Variants in PRKD1 observed in about 807,000 individuals in gnomAD.
The protein encoded by PRKD1 is protein kinase D1.
Under a neutral mutation model 95.9 loss-of-function variants are expected in PRKD1, and 63 were observed. The ratio of observed to expected loss-of-function variants is 0.66; its 90% CI spans 0.54 to 0.81. The LOEUF (loss-of-function observed/expected upper bound fraction) is 0.81. Among genes scored for constraint, PRKD1 ranks in the 30% least tolerant of loss-of-function variants. The probability of loss-of-function intolerance (pLI) is 0.00; values close to 1 mark genes in which losing one functional copy is unlikely to be tolerated. For missense variants in PRKD1, 1,048 were observed against 1,165.3 expected (o/e 0.90, Z 1.47); for synonymous variants, 425 against 423.1 (o/e 1.00, Z -0.05).
intron 13 of PRKD1, among the ~76,000 whole-genome samples, chr14:29,602,975 T>C (rs1001458651): frequency 2.0e-5 from 3 of 152,218 alleles, no homozygotes; most frequent in African/African-American, 4.8e-5. Flanking sequence ...TGTTCTCTAA[T>C]AGCATCTTGA....
intron 13 of PRKD1, among the ~76,000 whole-genome samples, chr14:29,603,479 C>T (rs1285043806): frequency 6.6e-6 from 1 of 152,206 alleles, no homozygotes; most frequent in African/African-American, 2.4e-5. Flanking sequence ...TGCCGTTAGC[C>T]TAGAGAATAT....
rs112782726 is a variant in PRKD1, at chr14:29,661,318, T to G, written c.696+2381A>C. Reference sequence around the variant, plus strand: ...TGCTGTCTTTACAAGGGTCAGGCCATCATTCTTTTTGGAAATGGAAATTAT... The same window carrying G: ...TGCTGTCTTTACAAGGGTCAGGCCAGCATTCTTTTTGGAAATGGAAATTAT... On this transcript the variant is annotated intron_variant, in intron 4 of 17. Coordinates refer to ENST00000331968, the MANE Select transcript of PRKD1 (RefSeq NM_002742.3). 4.0e-3 allele frequency among the ~76,000 whole-genome samples: 616 copies of G among 152,294 alleles called. 4 individuals are homozygous for G. Among genetic ancestry groups the G allele is most frequent in the African/African-American group, 0.014 (580 of 41,544 alleles).
intron 2 of PRKD1, among the ~76,000 whole-genome samples, chr14:29,703,213 A>C (rs991263524): frequency 2.6e-5 from 4 of 152,134 alleles, no homozygotes; most frequent in African/African-American, 7.2e-5. Context: ...TCCATGCAAA[A>C]ACAGTGGTAA....
intron 1 of PRKD1, among the ~76,000 whole-genome samples, chr14:29,782,333 T>G (rs1425345800): frequency 6.6e-6 from 1 of 152,080 alleles, no homozygotes; most frequent in African/African-American, 2.4e-5. Context: ...AAGACTATAT[T>G]AATTTGATGA....
chr14:29,870,941 T>C (rs1376923547), intron 1 of PRKD1, among the ~76,000 whole-genome samples: 2 of 152,236 alleles, frequency 1.3e-5, no homozygotes, highest in African/African-American at 2.4e-5. Flanking sequence ...TTAGAAGTAG[T>C]ATAATTTTTT....
intron 1 of PRKD1, among the ~76,000 whole-genome samples, chr14:29,844,092 G>A (rs1891981392): frequency 1.3e-5 from 2 of 152,196 alleles, no homozygotes; most frequent in Admixed American, 1.3e-4. Flanking sequence ...ATAACTGTGT[G>A]AACCAAGTAT....
In PRKD1 at chr14:29,652,198, T is replaced by C. The variant is rs567995038; in HGVS notation, c.696+11501A>G. 1.4e-3 allele frequency among the ~76,000 whole-genome samples: 208 copies of C among 152,308 alleles called. 1 individual carries two copies. The highest frequency in any genetic ancestry group is 4.8e-3 in the African/African-American group (200 of 41,560). ...CAATTCCTAACAGTGGAAGGCTCTGTTTTGTGTCTTGTCAGGAGTGCTGTG... is the reference window on the plus strand; with the variant it reads ...CAATTCCTAACAGTGGAAGGCTCTGCTTTGTGTCTTGTCAGGAGTGCTGTG... On this transcript the variant is annotated intron_variant, in intron 4 of 17. Coordinates refer to ENST00000331968, the MANE Select transcript of PRKD1 (RefSeq NM_002742.3).
At chr14:29,735,067 A>G (rs1432471945) in intron 1 of PRKD1, among the ~76,000 whole-genome samples, 1 of 152,076 alleles carries the variant, frequency 6.6e-6, no homozygotes, top group Non-Finnish European at 1.5e-5. Context: ...TTGTTTTCCT[A>G]TTTGTTTAGA....
At chr14:29,677,892 G>C (rs1199991590) in intron 2 of PRKD1, among the ~76,000 whole-genome samples, 1 of 152,156 alleles carries the variant, frequency 6.6e-6, no homozygotes, top group South Asian at 2.1e-4. Context: ...ACCTTGAATG[G>C]ACTGTGCCTT....
chr14:29,707,334 G>A (rs1885140527), intron 2 of PRKD1, among the ~76,000 whole-genome samples: 1 of 152,132 alleles, frequency 6.6e-6, no homozygotes, highest in African/African-American at 2.4e-5. Flanking sequence ...GGAGAATATG[G>A]TACTTGAACT....
At chr14:29,581,593 G>C (rs1281341110) in intron 16 of PRKD1, among the ~76,000 whole-genome samples, 2 of 152,132 alleles carry the variant, frequency 1.3e-5, no homozygotes, top group Admixed American at 6.6e-5. Context: ...GCAGACTGCA[G>C]CCATATTATG....
intron 1 of PRKD1, among the ~76,000 whole-genome samples, chr14:29,775,204 T>C (rs1186786122): frequency 1.3e-5 from 2 of 152,180 alleles, no homozygotes; most frequent in East Asian, 3.9e-4. Context: ...CTCCATTCTA[T>C]AGCTCCCAGT....
Position 29,873,861 on chromosome 14 carries a change from C to T in PRKD1, c.264+53388G>A, listed in dbSNP as rs191538255. Among the ~76,000 whole-genome samples the T allele has an allele frequency of 7.3e-3, 1,102 of 151,962 alleles. 6 individuals carry two copies. The highest frequency in any genetic ancestry group is 0.011 in the Non-Finnish European group (720 of 67,974). On this transcript the variant is annotated intron_variant, in intron 1 of 17. Coordinates refer to ENST00000331968, the MANE Select transcript of PRKD1 (RefSeq NM_002742.3). ...AAAGTAGCACATATATAATTATACA[C>T]ACACATACACACAGCTGCACTGGAA...
chr14:29,900,169 G>A (rs1220341832), intron 1 of PRKD1, among the ~76,000 whole-genome samples: 1 of 152,196 alleles, frequency 6.6e-6, no homozygotes, highest in Non-Finnish European at 1.5e-5. Context: ...GTGTTCCATA[G>A]ATGTTACTGA....
rs1893974561 is a variant in PRKD1 at position 29,892,512 on chromosome 14, C to G, written c.264+34737G>C. Reference sequence around the variant, plus strand: ...TTTTGCAGTTTCCATGTTGACAGATCTCACAATAAAAGTCTTACACAAATT... The same window carrying G: ...TTTTGCAGTTTCCATGTTGACAGATGTCACAATAAAAGTCTTACACAAATT... On this transcript the variant is annotated intron_variant, in intron 1 of 17. Transcript: ENST00000331968. Among the ~76,000 whole-genome samples, 2 of 151,536 alleles carry G rather than the reference C, an allele frequency of 1.3e-5. 1 individual carries two copies. The highest frequency in any genetic ancestry group is 4.2e-4 in the South Asian group (2 of 4,812).
chr14:29,826,614 C>T (rs1566622126), intron 1 of PRKD1, among the ~76,000 whole-genome samples: 1 of 123,432 alleles, frequency 8.1e-6, no homozygotes, highest in South Asian at 2.4e-4. Context: ...TATATACATA[C>T]ATATACACAC....
chr14:29,785,928 G>C (rs1197550374), intron 1 of PRKD1, among the ~76,000 whole-genome samples: 3 of 149,280 alleles, frequency 2.0e-5, no homozygotes, highest in African/African-American at 7.4e-5. Flanking sequence ...CAGTTCTTAA[G>C]AGTAAAGGCT....
rs201154013 is a variant in PRKD1, at chr14:29,638,799, T to A, written c.802A>T (p.Lys268Ter). The A allele has an allele frequency of 1.4e-4, 233 of 1,612,474 alleles. No homozygotes were observed. Among genetic ancestry groups the A allele is most frequent in the Non-Finnish European group, 1.9e-4 (228 of 1,179,106 alleles). The change falls in exon 5 of 18, where the codon AAA becomes TAA. Residue 268 changes from lysine (K) to a stop codon, truncating the protein, a stop_gained. Coordinates refer to ENST00000331968, the MANE Select transcript of PRKD1 (RefSeq NM_002742.3). LOFTEE classifies it high-confidence loss of function. ...HLDKILMSKV[K>*]VPHTFVIHSY... ...TGGATGACAAATGTGTGCGGCACTT[T>A]AACTTTAGACATCAAAATCTTGTCA... is the stretch of plus-strand genomic sequence containing the variant.
chr14:29,665,974 G>C (rs988574305), intron 3 of PRKD1, 103 bp downstream of exon 3: 14 of 1,306,494 alleles, frequency 1.1e-5, no homozygotes, highest in African/African-American at 1.0e-4. Flanking sequence ...CTCATTGGTT[G>C]ATGGGCACTT....
Sources: gnomAD v4.1 joint callset for allele counts (sites outside exome capture counted in the v4.1 genomes callset) on GRCh38, gnomAD v4.1.1 for gene constraint, MANE v1.5 for transcripts, NCBI Gene and HGNC (gene_info 2026-07-23, HGNC 2026-07-21) for gene names.